Variants in IQUB observed in about 807,000 individuals in gnomAD.
IQUB encodes the protein IQ motif and ubiquitin domain containing, also known as IQ motif and ubiquitin-like domain-containing protein.
In IQUB, 86 loss-of-function variants were observed where a neutral mutation model predicts 86.4. That is an observed-to-expected ratio of 1.00 (90% CI 0.84 to 1.19). The LOEUF (loss-of-function observed/expected upper bound fraction) is 1.19, where lower values mean the gene tolerates loss of function less well. Among genes scored for constraint, IQUB ranks in the 50% most tolerant of loss-of-function variants. IQUB has a pLI of 0.00. For synonymous variants in IQUB, 289 were observed against 304.5 expected, an observed-to-expected ratio of 0.95 and a Z score of 0.53; for missense variants, 946 against 916.9, an observed-to-expected ratio of 1.03 and a Z score of -0.41.
chr7:123,499,563 TTACCAAA>T (rs1276849934), intron 6 of IQUB, among the ~76,000 whole-genome samples: 21 of 151,888 alleles, frequency 1.4e-4, no homozygotes, highest in African/African-American at 4.8e-4. Context: ...TACAATAAGA[TTACCAAA>T]TACCAAGGAT....
chr7:123,482,834 T>C lies in IQUB; in HGVS notation c.1235-2864A>G, dbSNP rs576821698. On this transcript the variant is annotated intron_variant, in intron 7 of 12. Transcript: ENST00000324698. The stretch of plus-strand genomic sequence containing the variant: ...GATTACTGAGAACAGTTTTGGTCAT[T>C]ACTCTCATACCTTGGAATATACATC... 3.9e-4 allele frequency among the ~76,000 whole-genome samples: 60 copies of C among 152,200 alleles called. No homozygotes were observed. In the South Asian group the frequency reaches 0.012, roughly 32 times the overall value.
At chr7:123,533,256 G>C (rs1797627174) in intron 1 of IQUB, among the ~76,000 whole-genome samples, 1 of 152,132 alleles carries the variant, frequency 6.6e-6, no homozygotes, top group Admixed American at 6.6e-5. Flanking sequence ...CTGTATATAT[G>C]TGTAAGTATA....
chr7:123,494,285 T>C (rs1475606379), intron 7 of IQUB, among the ~76,000 whole-genome samples: 1 of 152,100 alleles, frequency 6.6e-6, no homozygotes, highest in Non-Finnish European at 1.5e-5. Context: ...TTAATATCAT[T>C]TTGCTTTTAT....
chr7:123,464,430 G>C (rs912914503), intron 10 of IQUB, among the ~76,000 whole-genome samples: 1 of 151,918 alleles, frequency 6.6e-6, no homozygotes, highest in Non-Finnish European at 1.5e-5. Context: ...TTAACTCCCT[G>C]TGAGGCCTCA....
intron 12 of IQUB, among the ~76,000 whole-genome samples, chr7:123,455,271 A>G (rs574311960): frequency 2.0e-5 from 3 of 152,082 alleles, no homozygotes; most frequent in Non-Finnish European, 2.9e-5. Context: ...TTGAAACCAT[A>G]TATTGTAATT....
In IQUB at chr7:123,479,820, G is replaced by A. The variant is rs1563442483; in HGVS notation, c.1385C>T (p.Ala462Val). 6.2e-7 allele frequency: 1 copy of A among 1,611,826 alleles called. No homozygotes were observed. The highest frequency in any genetic ancestry group is 8.5e-7 in the Non-Finnish European group (1 of 1,178,970). ...CTTATCCAAAAAAGCTTGTATTGCT[G>A]CTTCCTGATTTGCCATATAAGCAAT... is the stretch of plus-strand genomic sequence containing the variant. ...RYIAYMANQE[A>V]AIQAFLDKCS... Residue 462 changes from alanine to valine, a missense_variant, in exon 8 of 13, where the codon GCA (alanine) becomes GTA (valine). Physicochemically the swap from Ala to Val is moderately conservative, Grantham distance 64. Transcript: ENST00000324698.
chr7:123,475,880 T>G (rs1177939891), intron 8 of IQUB, among the ~76,000 whole-genome samples: 1 of 152,180 alleles, frequency 6.6e-6, no homozygotes, highest in Non-Finnish European at 1.5e-5. Context: ...ACAAATAGGT[T>G]TATTTCAAAA....
At chr7:123,479,768 T>C in intron 8 of IQUB, 27 bp downstream of exon 8, 2 of 1,535,334 alleles carry the variant, frequency 1.3e-6, no homozygotes, top group Admixed American at 1.8e-5. Context: ...AATACATTCA[T>C]ATTTAAATAG....
rs916016259 is a variant in IQUB at position 123,503,327 on chromosome 7, T to C, written c.569A>G (p.His190Arg). ...TACAATTTCCTGTGGCTTAACTCCA[T>C]GTTGTACTAGAGTCTCATTATTTTT... The part of the protein sequence containing the change: ...ILKNNETLVQ[H>R]GVKPQEIVQV... The change falls in exon 4 of 13, where the codon CAT (histidine) becomes CGT (arginine). Residue 190 changes from histidine (H) to arginine (R), a missense_variant. His to Arg is a conservative substitution (Grantham distance 29, BLOSUM62 0). Coordinates refer to ENST00000324698, the MANE Select transcript of IQUB (RefSeq NM_178827.5). 6.9e-6 allele frequency: 11 copies of C among 1,584,212 alleles called. No individual in the cohort carries two copies. Among genetic ancestry groups the C allele is most frequent in the East Asian group, 2.2e-5 (1 of 44,662 alleles).
chr7:123,452,933 G>GA lies in IQUB; in HGVS notation c.2194-9dup, dbSNP rs760278985. On this transcript the variant is annotated splice_polypyrimidine_tract_variant and intron_variant, in intron 12 of 12. Transcript: ENST00000324698. ...AAATGAGCGTTCATATCCCTGCAAA[G>GA]AAAAAAATCAAATTCTAGTAAATAT... is the stretch of plus-strand genomic sequence containing the variant. The GA allele has an allele frequency of 3.4e-5, 54 of 1,593,042 alleles. No individual in the cohort carries two copies. In the Middle Eastern group the frequency reaches 5.4e-4, roughly 16 times the overall value.
chr7:123,516,511 T>A (rs1225711298), intron 1 of IQUB, among the ~76,000 whole-genome samples: 1 of 152,094 alleles, frequency 6.6e-6, no homozygotes, highest in Non-Finnish European at 1.5e-5. Context: ...AAGAGGAGGA[T>A]GAAGTACTCT....
intron 8 of IQUB, among the ~76,000 whole-genome samples, chr7:123,479,197 A>G (rs1483299547): frequency 6.6e-6 from 1 of 152,148 alleles, no homozygotes; most frequent in Non-Finnish European, 1.5e-5. Context: ...TAGGTTTATA[A>G]AAGAAAATTG....
rs755151832 is a variant in IQUB, at chr7:123,510,000, C to A, written c.433G>T (p.Val145Leu). The A allele has an allele frequency of 6.3e-7, 1 of 1,588,310 alleles. No individual in the cohort carries two copies. The highest frequency in any genetic ancestry group is 1.3e-5 in the African/African-American group (1 of 74,184). ...VVLIPVGQEI[V>L]IPFKVDTILK... The stretch of plus-strand genomic sequence containing the variant: ...ATGGTATCAACCTTAAAAGGTATTA[C>A]AATTTCCTGGCCCACTGGAATAAGT... The change falls in exon 3 of 13, where the codon GTA becomes TTA. Residue 145 changes from valine to leucine, a missense_variant. Coordinates refer to ENST00000324698, the MANE Select transcript of IQUB (RefSeq NM_178827.5).
intron 2 of IQUB, among the ~76,000 whole-genome samples, chr7:123,511,158 A>G (rs1230195734): frequency 6.6e-6 from 1 of 152,136 alleles, no homozygotes; most frequent in African/African-American, 2.4e-5. Context: ...GGTAAACTAC[A>G]CCACCAGATT....
chr7:123,499,109 C>CCTTTTTTT (rs568210441), intron 6 of IQUB, among the ~76,000 whole-genome samples: 1 of 151,814 alleles, frequency 6.6e-6, no homozygotes, highest in Non-Finnish European at 1.5e-5. Context: ...CAAAATGTTT[C>CCTTTTTTT]CTTTTTTTCT....
At chr7:123,479,400 C>A (rs752532115) in intron 8 of IQUB, among the ~76,000 whole-genome samples, 3 of 152,026 alleles carry the variant, frequency 2.0e-5, no homozygotes, top group Non-Finnish European at 4.4e-5. Flanking sequence ...CTATTTCTCC[C>A]AGGTTGCTTA....
At chr7:123,500,383 C>G (rs1019172440) in intron 6 of IQUB, among the ~76,000 whole-genome samples, 2 of 151,556 alleles carry the variant, frequency 1.3e-5, no homozygotes, top group African/African-American at 2.4e-5. Context: ...TTTATTCAAA[C>G]CAACAAAAAG....
chr7:123,522,704 AATACTTTTATTATTATACTTT>A (rs948808287), intron 1 of IQUB, among the ~76,000 whole-genome samples: 11 of 152,054 alleles, frequency 7.2e-5, no homozygotes, highest in African/African-American at 2.4e-4. Flanking sequence ...AGGAGAAAAA[AATACTTTTATTATTATACTTT>A]AAGTTTTAGG....
At chr7:123,498,476 T>C (rs1360553095) in intron 6 of IQUB, among the ~76,000 whole-genome samples, 3 of 152,112 alleles carry the variant, frequency 2.0e-5, no homozygotes, top group Admixed American at 2.0e-4. Context: ...TGGCAAAAAT[T>C]TTATTTTTGA....
Sources: allele counts gnomAD v4.1 joint callset (sites outside exome capture counted in the v4.1 genomes callset), GRCh38; gene constraint gnomAD v4.1.1; transcripts MANE v1.5; gene names NCBI Gene and HGNC (gene_info 2026-07-23, HGNC 2026-07-21).